The following PTPRD variants were observed in gnomAD, a reference collection of about 807,000 sequenced individuals.
PTPRD encodes the protein protein tyrosine phosphatase receptor type D, also known as receptor-type tyrosine-protein phosphatase delta.
PTPRD carries 34 observed loss-of-function variants against 214.5 expected under a neutral mutation model. The observed-to-expected ratio is 0.16, with a 90% CI of 0.12 to 0.21. The LOEUF (loss-of-function observed/expected upper bound fraction) is 0.21, where lower values mean the gene tolerates loss of function less well. PTPRD is among the 10% of genes least tolerant of loss of function. PTPRD has a pLI of 1.00. For synonymous variants in PTPRD, 1,128 were observed against 845.7 expected (o/e 1.33, Z -5.79); for missense variants, 2,545 against 2,398.7 (o/e 1.06, Z -1.27).
chr9:9,591,691 AC>A (rs1212194897), intron 7 of PTPRD, among the ~76,000 whole-genome samples: 1 of 152,034 alleles, frequency 6.6e-6, no homozygotes, highest in Non-Finnish European at 1.5e-5. Flanking sequence ...GTTTTAATTG[AC>A]ACATAAGTGT....
chr9:10,139,294 A>C (rs1020679104), intron 3 of PTPRD, among the ~76,000 whole-genome samples: 2 of 152,034 alleles, frequency 1.3e-5, no homozygotes, highest in Admixed American at 6.6e-5. Context: ...CAATGAAAAA[A>C]AAATGCCCAG....
intron 10 of PTPRD, among the ~76,000 whole-genome samples, chr9:9,115,421 G>T (rs1000208999): frequency 6.6e-6 from 1 of 151,978 alleles, no homozygotes; most frequent in African/African-American, 2.4e-5. Flanking sequence ...AAATAAAACC[G>T]CAAGGAGAGA....
At chr9:8,895,622 T>G (rs894082217) in intron 11 of PTPRD, among the ~76,000 whole-genome samples, 30 of 152,202 alleles carry the variant, frequency 2.0e-4, no homozygotes, top group African/African-American at 6.3e-4. Flanking sequence ...GTGCAATTCC[T>G]GTGCCCTGCA....
intron 3 of PTPRD, among the ~76,000 whole-genome samples, chr9:10,162,092 G>T (rs372649039): frequency 1.3e-5 from 2 of 151,626 alleles, no homozygotes; most frequent in Non-Finnish European, 3.0e-5. Context: ...CACTATTGGT[G>T]CAGGTACAAA....
At chr9:9,596,709 G>C (rs1202441038) in intron 7 of PTPRD, among the ~76,000 whole-genome samples, 1 of 151,900 alleles carries the variant, frequency 6.6e-6, no homozygotes, top group Non-Finnish European at 1.5e-5. Context: ...CCTTCTGGTT[G>C]GTATCTAAAG....
intron 5 of PTPRD, among the ~76,000 whole-genome samples, chr9:9,781,145 C>G (rs918388946): frequency 6.6e-6 from 1 of 151,998 alleles, no homozygotes; most frequent in Non-Finnish European, 1.5e-5. Flanking sequence ...ATAGAATGTA[C>G]AAGAACAACA....
chr9:8,960,574 C>G (rs1035143576), intron 11 of PTPRD, among the ~76,000 whole-genome samples: 8 of 152,080 alleles, frequency 5.3e-5, no homozygotes, highest in Admixed American at 2.6e-4. Context: ...AGCTGAAGAT[C>G]AAATATTGAA....
intron 9 of PTPRD, among the ~76,000 whole-genome samples, chr9:9,225,255 C>T (rs1218282888): frequency 6.6e-6 from 1 of 151,982 alleles, no homozygotes; most frequent in Non-Finnish European, 1.5e-5. Flanking sequence ...CTATGATTAG[C>T]TCATCTGATC....
chr9:10,023,643 G>A (rs1423432131), intron 4 of PTPRD, among the ~76,000 whole-genome samples: 1 of 148,394 alleles, frequency 6.7e-6, no homozygotes, highest in Non-Finnish European at 1.5e-5. Flanking sequence ...CTAATAAAGT[G>A]TGAGAGTTAC....
chr9:10,213,778 T>C (rs928025723), intron 3 of PTPRD, among the ~76,000 whole-genome samples: 28 of 152,142 alleles, frequency 1.8e-4, no homozygotes, highest in Non-Finnish European at 7.4e-5. Flanking sequence ...GTTACCAAAA[T>C]ACAAGGGTGT....
At chr9:8,584,239 A>G (rs558983826) in intron 14 of PTPRD, among the ~76,000 whole-genome samples, 1 of 152,332 alleles carries the variant, frequency 6.6e-6, no homozygotes, top group East Asian at 1.9e-4. Context: ...TATATTTTCC[A>G]TACCCAATCA....
At chr9:8,486,972 G>A (rs763176439) in intron 27 of PTPRD, among the ~76,000 whole-genome samples, 1 of 151,378 alleles carries the variant, frequency 6.6e-6, no homozygotes, top group East Asian at 1.9e-4. Context: ...GCTTAATTGT[G>A]CTGCTATGTT....
intron 7 of PTPRD, among the ~76,000 whole-genome samples, chr9:9,703,111 T>G (rs981847175): frequency 3.9e-5 from 6 of 152,146 alleles, no homozygotes; most frequent in Non-Finnish European, 8.8e-5. Context: ...AGTTCCCCTA[T>G]GCTGTTCTCG....
At chr9:8,621,395 A>C (rs1483217878) in intron 14 of PTPRD, among the ~76,000 whole-genome samples, 2 of 151,994 alleles carry the variant, frequency 1.3e-5, no homozygotes, top group Non-Finnish European at 2.9e-5. Flanking sequence ...TTTTAAAAAA[A>C]ATTTGTTTGT....
intron 39 of PTPRD, among the ~76,000 whole-genome samples, chr9:8,366,002 GCTAA>G (rs2134111237): frequency 6.6e-6 from 1 of 152,314 alleles, no homozygotes; most frequent in East Asian, 1.9e-4. Context: ...AGGTAGCAAT[GCTAA>G]CTGACAGACA....
intron 2 of PTPRD, among the ~76,000 whole-genome samples, chr9:10,563,683 C>A (rs1005189846): frequency 6.6e-6 from 1 of 150,864 alleles, no homozygotes; most frequent in Non-Finnish European, 1.5e-5. Flanking sequence ...TTTTTTTTAT[C>A]TTTTAAATTT....
At chr9:10,537,108 C>G (rs1369241372) in intron 2 of PTPRD, among the ~76,000 whole-genome samples, 3 of 152,054 alleles carry the variant, frequency 2.0e-5, no homozygotes, top group Non-Finnish European at 2.9e-5. Context: ...ATTCTAAAAA[C>G]TATAGGACTA....
intron 34 of PTPRD, among the ~76,000 whole-genome samples, chr9:8,447,726 G>C (rs1019317855): frequency 6.6e-6 from 1 of 152,050 alleles, no homozygotes; most frequent in Non-Finnish European, 1.5e-5. Flanking sequence ...TTCTTTTGGG[G>C]GTACCCTTGC....
At chr9:8,876,562 T>C (rs1203257567) in intron 11 of PTPRD, among the ~76,000 whole-genome samples, 1 of 152,198 alleles carries the variant, frequency 6.6e-6, no homozygotes, top group African/African-American at 2.4e-5. Context: ...CGTCATTTCC[T>C]GGTTAAAGGT....
Sources: allele counts gnomAD v4.1 joint callset (sites outside exome capture counted in the v4.1 genomes callset), GRCh38; gene constraint gnomAD v4.1.1; transcripts MANE v1.5; gene names NCBI Gene and HGNC (gene_info 2026-07-23, HGNC 2026-07-21).